CDH12: variants seen among roughly 807,000 people sequenced by gnomAD.
CDH12 encodes the protein cadherin 12.
CDH12 carries 41 observed loss-of-function variants against 74.1 expected under a neutral mutation model. The observed-to-expected ratio is 0.55, with a 90% CI of 0.43 to 0.72. The LOEUF (loss-of-function observed/expected upper bound fraction) is 0.72, where lower values mean the gene tolerates loss of function less well. CDH12 is among the 30% of genes least tolerant of loss of function. The probability of loss-of-function intolerance (pLI) is 0.00; values close to 1 mark genes in which losing one functional copy is unlikely to be tolerated. For synonymous variants in CDH12, 399 were observed against 355.0 expected, an observed-to-expected ratio of 1.12 and a Z score of -1.39; for missense variants, 945 against 977.2, an observed-to-expected ratio of 0.97 and a Z score of 0.44.
At chr5:22,768,762 C>T (rs1746653808) in intron 1 of CDH12, among the ~76,000 whole-genome samples, 1 of 152,012 alleles carries the variant, frequency 6.6e-6, no homozygotes, top group Non-Finnish European at 1.5e-5. Context: ...CTTTGCACCT[C>T]ATTTTAAAAA....
chr5:22,618,146 T>C (rs1737782219), intron 1 of CDH12, among the ~76,000 whole-genome samples: 1 of 152,136 alleles, frequency 6.6e-6, no homozygotes. Context: ...CAATATTTAG[T>C]TTGCAGATGT....
intron 1 of CDH12, among the ~76,000 whole-genome samples, chr5:22,641,312 A>G (rs1409583685): frequency 1.3e-5 from 2 of 152,122 alleles, no homozygotes; most frequent in Non-Finnish European, 2.9e-5. Context: ...TGCAAACCCT[A>G]AAGTCTTGGA....
At chr5:22,767,088 A>G (rs1746554162) in intron 1 of CDH12, among the ~76,000 whole-genome samples, 1 of 152,040 alleles carries the variant, frequency 6.6e-6, no homozygotes, top group South Asian at 2.1e-4. Context: ...CTATGATTAG[A>G]ATGTTGGCAA....
At chr5:22,316,141 G>T (rs575528842) in intron 3 of CDH12, among the ~76,000 whole-genome samples, 1 of 151,636 alleles carries the variant, frequency 6.6e-6, no homozygotes, top group Admixed American at 6.6e-5. Flanking sequence ...AGCCAGAAAC[G>T]AATGACATGA....
chr5:22,534,447 G>A (rs1737735788), intron 1 of CDH12, among the ~76,000 whole-genome samples: 1 of 152,150 alleles, frequency 6.6e-6, no homozygotes, highest in African/African-American at 2.4e-5. Context: ...GAGAACATAA[G>A]ATGTTTGGTT....
chr5:21,832,290 G>A (rs969884467), intron 8 of CDH12, among the ~76,000 whole-genome samples: 4 of 152,174 alleles, frequency 2.6e-5, no homozygotes, highest in African/African-American at 9.6e-5. Context: ...AATGATTCAT[G>A]CTCTCGTTAG....
intron 1 of CDH12, among the ~76,000 whole-genome samples, chr5:22,828,949 A>G (rs774679465): frequency 6.6e-6 from 1 of 152,190 alleles, no homozygotes; most frequent in Non-Finnish European, 1.5e-5. Flanking sequence ...ATTATTTTCT[A>G]TATTTTCCTG....
Position 22,513,028 on chromosome 5 carries a change from C to G in CDH12, c.-522-7664G>C, listed in dbSNP as rs527854736. ...GTCCAGACTGGACAACAGGGCGAGA[C>G]GCTGTCTAAAAAGATAATAATAATA... On this transcript the variant is annotated intron_variant, in intron 1 of 14. Transcript: ENST00000382254. 3.9e-5 allele frequency among the ~76,000 whole-genome samples: 6 copies of G among 152,178 alleles called. No individual in the cohort carries two copies. In the East Asian group the frequency reaches 1.2e-3, roughly 29 times the overall value.
At position 22,102,492 on chromosome 5, in the gene CDH12, A is replaced by C. The variant is rs375484226; in HGVS notation, c.-186-23630T>G. ...AAGACCAGCCTGATCAACATGGTGA[A>C]GCCCCGTCTCTACTAAAAATACAAA... On this transcript the variant is annotated intron_variant, in intron 4 of 14. Transcript: ENST00000382254. Among the ~76,000 whole-genome samples, 24 of 152,228 alleles carry C rather than the reference A, an allele frequency of 1.6e-4. No homozygotes were observed. In the East Asian group the frequency reaches 4.7e-3, roughly 30 times the overall value.
intron 1 of CDH12, among the ~76,000 whole-genome samples, chr5:22,742,442 A>T (rs1378912897): frequency 6.6e-6 from 1 of 152,106 alleles, no homozygotes; most frequent in Non-Finnish European, 1.5e-5. Flanking sequence ...AAAGCTGGTG[A>T]AGAATCAGAC....
intron 1 of CDH12, among the ~76,000 whole-genome samples, chr5:22,718,216 C>T (rs972452571): frequency 3.3e-5 from 5 of 152,176 alleles, no homozygotes; most frequent in Admixed American, 3.3e-4. Flanking sequence ...TTACAGAAAG[C>T]TATACTTTGT....
Position 21,999,918 on chromosome 5 carries a change from TAAATA to T in CDH12, c.232-24538_232-24534del, listed in dbSNP as rs1305926872. On this transcript the variant is annotated intron_variant, in intron 5 of 14. Coordinates refer to ENST00000382254, the MANE Select transcript of CDH12 (RefSeq NM_004061.5). ...AAATAACTGTGGCAGTTGGGAGAAT[TAAATA>T]AAATAATAAAAAATTAAGAGTTTAG... 5.3e-5 allele frequency among the ~76,000 whole-genome samples: 8 copies of T among 152,172 alleles called. No homozygotes were observed. The East Asian group carries it at 1.5e-3, about 29-fold the overall frequency.
intron 1 of CDH12, among the ~76,000 whole-genome samples, chr5:22,848,140 T>G (rs755579690): frequency 6.6e-6 from 1 of 152,208 alleles, no homozygotes; most frequent in Non-Finnish European, 1.5e-5. Context: ...CATTATGTAC[T>G]AACTCTCTGG....
chr5:22,717,992 T>A (rs1743670128), intron 1 of CDH12, among the ~76,000 whole-genome samples: 1 of 152,224 alleles, frequency 6.6e-6, no homozygotes, highest in South Asian at 2.1e-4. Flanking sequence ...GTGTGTTTAA[T>A]TTGTAAGTAC....
In CDH12 at chr5:21,750,713, T is replaced by G. The variant is rs1447928941; in HGVS notation, c.*1024A>C. ...AAAGAATCACTAGATTGTAAGAAAC[T>G]CTGAGAAACTGTATAATGAATTTCT... On this transcript the variant is annotated 3_prime_UTR_variant, in exon 15 of 15. Transcript: ENST00000382254. 1 of 152,136 alleles carries G rather than the reference T, an allele frequency of 6.6e-6. No individual in the cohort carries two copies. The highest frequency in any genetic ancestry group is 1.5e-5 in the Non-Finnish European group (1 of 67,994). 9.4% of individuals were successfully genotyped at this position (152,136 alleles called of 1,614,324 possible). A position where few individuals can be genotyped will look rare whatever the true frequency, so the allele number is the denominator to read the frequency against.
chr5:22,698,121 G>C (rs1742475692), intron 1 of CDH12, among the ~76,000 whole-genome samples: 1 of 50,596 alleles, frequency 2.0e-5, no homozygotes, highest in Non-Finnish European at 4.0e-5. Flanking sequence ...TAAAGGCAGG[G>C]CTTTTTTTTT....
chr5:22,758,678 G>T (rs900959569), intron 1 of CDH12, among the ~76,000 whole-genome samples: 1 of 151,846 alleles, frequency 6.6e-6, no homozygotes, highest in Non-Finnish European at 1.5e-5. Flanking sequence ...ATACTAAATT[G>T]TAACATCATA....
Position 22,535,448 on chromosome 5 carries a change from A to G in CDH12, c.-522-30084T>C, listed in dbSNP as rs183494709. ...TGGGATTACAGGCGTGAGCCAACGCACCCGGCCTCTATTGCATTTTTTATC... is the reference window on the plus strand; with the variant it reads ...TGGGATTACAGGCGTGAGCCAACGCGCCCGGCCTCTATTGCATTTTTTATC... On this transcript the variant is annotated intron_variant, in intron 1 of 14. Coordinates refer to ENST00000382254, the MANE Select transcript of CDH12 (RefSeq NM_004061.5). 6.1e-3 allele frequency among the ~76,000 whole-genome samples: 929 copies of G among 151,984 alleles called. 3 individuals carry two copies. The highest frequency in any genetic ancestry group is 8.6e-3 in the Non-Finnish European group (583 of 67,942).
intron 3 of CDH12, among the ~76,000 whole-genome samples, chr5:22,239,244 G>T (rs1752663670): frequency 6.6e-6 from 1 of 152,094 alleles, no homozygotes; most frequent in African/African-American, 2.4e-5. Flanking sequence ...GGAAACTCCA[G>T]GGAAATTTCC....
Sources: gnomAD v4.1 joint callset for allele counts (sites outside exome capture counted in the v4.1 genomes callset) on GRCh38, gnomAD v4.1.1 for gene constraint, MANE v1.5 for transcripts, NCBI Gene and HGNC (gene_info 2026-07-23, HGNC 2026-07-21) for gene names.